Variants in ITPK1 observed in about 807,000 individuals in gnomAD.
ITPK1 encodes the protein inositol 1,3,4-trisphosphate 5/6-kinase.
In ITPK1, 21 loss-of-function variants were observed where a neutral mutation model predicts 45.3. The ratio of observed to expected loss-of-function variants is 0.46; its 90% CI spans 0.33 to 0.67. The LOEUF is 0.67. Among genes scored for constraint, ITPK1 ranks in the 30% least tolerant of loss-of-function variants. ITPK1 has a pLI of 0.02. For synonymous variants in ITPK1, 258 were observed against 253.6 expected (o/e 1.02, Z -0.16); for missense variants, 474 against 573.5 (o/e 0.83, Z 1.77).
At chr14:93,049,380 C>T (rs1889912668) in intron 3 of ITPK1, among the ~76,000 whole-genome samples, 1 of 152,134 alleles carries the variant, frequency 6.6e-6, no homozygotes, top group Non-Finnish European at 1.5e-5. Context: ...GCCAGGAATG[C>T]TTCTGCCAGC....
intron 9 of ITPK1, among the ~76,000 whole-genome samples, chr14:92,948,496 C>A (rs1887788938): frequency 6.6e-6 from 1 of 151,280 alleles, no homozygotes; most frequent in African/African-American, 2.4e-5. Flanking sequence ...GCCACCATGC[C>A]TGGCTAATTT....
intron 5 of ITPK1, among the ~76,000 whole-genome samples, chr14:92,992,429 G>A (rs367607439): frequency 2.0e-5 from 3 of 152,268 alleles, no homozygotes; most frequent in African/African-American, 7.2e-5. Flanking sequence ...GTGCACAGCA[G>A]AGGCCAATCA....
rs182757980 is a variant in ITPK1, at chr14:93,026,990, A to C, written c.121-10189T>G. Among the ~76,000 whole-genome samples the C allele has an allele frequency of 1.2e-3, 177 of 152,298 alleles. 2 individuals carry two copies. Among genetic ancestry groups the C allele is most frequent in the African/African-American group, 3.9e-3 (161 of 41,550 alleles). ...TACAGCAGGTCCTTAAATAACATCAATTCCTTCAACGTCACTTTTTTATAA... is the reference window on the plus strand; with the variant it reads ...TACAGCAGGTCCTTAAATAACATCACTTCCTTCAACGTCACTTTTTTATAA... On this transcript the variant is annotated intron_variant, in intron 3 of 10. Transcript: ENST00000267615.
At chr14:92,999,261 T>G (rs1887213533) in intron 4 of ITPK1, among the ~76,000 whole-genome samples, 1 of 152,212 alleles carries the variant, frequency 6.6e-6, no homozygotes, top group Admixed American at 6.5e-5. Context: ...CACCTTCCCG[T>G]ATTTGCGGGT....
At chr14:93,091,227 T>C (rs1177438988) in intron 2 of ITPK1, among the ~76,000 whole-genome samples, 2 of 152,226 alleles carry the variant, frequency 1.3e-5, no homozygotes, top group African/African-American at 4.8e-5. Context: ...GTGTCCCTTG[T>C]GGTGTGATTA....
intron 3 of ITPK1, among the ~76,000 whole-genome samples, chr14:93,059,982 C>T (rs1890448271): frequency 6.6e-6 from 1 of 151,804 alleles, no homozygotes; most frequent in Admixed American, 6.6e-5. Context: ...AGGCTGACTG[C>T]CGTAGAACGC....
At chr14:92,993,625 T>C (rs1216392690) in intron 5 of ITPK1, among the ~76,000 whole-genome samples, 1 of 152,176 alleles carries the variant, frequency 6.6e-6, no homozygotes, top group Non-Finnish European at 1.5e-5. Context: ...ATGTCACCCA[T>C]GGGTTCAACA....
intron 3 of ITPK1, chr14:93,071,044 T>C (rs1241969702): frequency 6.5e-6 from 1 of 153,840 alleles, no homozygotes; most frequent in East Asian, 1.9e-4. Flanking sequence ...AGAGAGCATC[T>C]GGTCCCACGA....
chr14:93,009,112 T>A (rs770510372), intron 4 of ITPK1, among the ~76,000 whole-genome samples: 1 of 152,066 alleles, frequency 6.6e-6, no homozygotes, highest in Non-Finnish European at 1.5e-5. Flanking sequence ...CATCTGGTAA[T>A]GAGCAGCCGG....
intron 3 of ITPK1, among the ~76,000 whole-genome samples, chr14:93,018,384 C>T (rs1268935610): frequency 1.3e-5 from 2 of 152,132 alleles, no homozygotes; most frequent in Non-Finnish European, 2.9e-5. Context: ...CCTGTGCTGG[C>T]TCTCGGGCCT....
intron 3 of ITPK1, among the ~76,000 whole-genome samples, chr14:93,030,184 G>A (rs1359508034): frequency 1.3e-5 from 2 of 152,234 alleles, no homozygotes; most frequent in Non-Finnish European, 2.9e-5. Context: ...AGAGCTGACT[G>A]GGGAATGTGC....
intron 3 of ITPK1, among the ~76,000 whole-genome samples, chr14:93,040,789 C>T (rs1889527980): frequency 6.6e-6 from 1 of 152,128 alleles, no homozygotes; most frequent in South Asian, 2.1e-4. Context: ...TGGGTGGGGC[C>T]GTATGCAGCT....
At chr14:93,100,886 G>C (rs942473457) in intron 2 of ITPK1, among the ~76,000 whole-genome samples, 1 of 152,192 alleles carries the variant, frequency 6.6e-6, no homozygotes, top group Non-Finnish European at 1.5e-5. Flanking sequence ...CCACTCCATA[G>C]GTCTCACTGT....
At chr14:93,105,324 G>A (rs1161665817) in intron 2 of ITPK1, among the ~76,000 whole-genome samples, 1 of 152,132 alleles carries the variant, frequency 6.6e-6, no homozygotes, top group Non-Finnish European at 1.5e-5. Context: ...TGGCTAACTC[G>A]GTGCTTCCCC....
rs569072256 is a variant in ITPK1 at position 92,971,920 on chromosome 14, C to G, written c.365-9071G>C. On this transcript the variant is annotated intron_variant, in intron 5 of 10. Transcript: ENST00000267615. ...CCTGGTACCCACCAGCACAGCACCC[C>G]CAGCCTGCTCTGGCCTGCCCTCCTG... Among the ~76,000 whole-genome samples, 10 of 152,300 alleles carry G rather than the reference C, an allele frequency of 6.6e-5. No individual in the cohort carries two copies. In the East Asian group the frequency reaches 1.4e-3, roughly 21 times the overall value.
At chr14:93,073,118 T>C (rs1000230370) in intron 3 of ITPK1, among the ~76,000 whole-genome samples, 2 of 152,228 alleles carry the variant, frequency 1.3e-5, no homozygotes, top group African/African-American at 4.8e-5. Flanking sequence ...CAGTGCCAAT[T>C]ACTTCACCCA....
chr14:93,064,632 G>A (rs1235449248), intron 3 of ITPK1, among the ~76,000 whole-genome samples: 1 of 152,142 alleles, frequency 6.6e-6, no homozygotes. Flanking sequence ...AGCAAGCCGG[G>A]ATCTCCTTAT....
chr14:93,001,930 T>C lies in ITPK1; in HGVS notation c.247-7933A>G, dbSNP rs1240036190. Among the ~76,000 whole-genome samples, 3 of 152,160 alleles carry C rather than the reference T, an allele frequency of 2.0e-5. No individual in the cohort carries two copies. The East Asian group carries it at 5.8e-4, about 29-fold the overall frequency. On this transcript the variant is annotated intron_variant, in intron 4 of 10. Coordinates refer to ENST00000267615, the MANE Select transcript of ITPK1 (RefSeq NM_014216.6). The stretch of plus-strand genomic sequence containing the variant: ...CATCTTGACGGGGGTCCTGCCAAGA[T>C]TCCAGGGTGAGTTATAAACATGCTC...
chr14:92,993,820 C>T (rs1886909349), intron 5 of ITPK1, 60 bp downstream of exon 5: 3 of 1,090,584 alleles, frequency 2.8e-6, no homozygotes, highest in African/African-American at 3.1e-5. Flanking sequence ...CAGGCCGTGG[C>T]CACTTTGTGA....
Sources: allele counts gnomAD v4.1 joint callset (sites outside exome capture counted in the v4.1 genomes callset), GRCh38; gene constraint gnomAD v4.1.1; transcripts MANE v1.5; gene names NCBI Gene and HGNC (gene_info 2026-07-23, HGNC 2026-07-21).